Variants in ODR4 observed in about 807,000 individuals in gnomAD.
ODR4 encodes odr-4 GPCR localization factor homolog, also known as protein odr-4 homolog.
In ODR4, 47 loss-of-function variants were observed where a neutral mutation model predicts 60.2. That is an observed-to-expected ratio of 0.78 (90% CI 0.62 to 1.00). ODR4 has a LOEUF of 1.00. ODR4 is among the 50% of genes least tolerant of loss of function. ODR4 has a pLI of 0.00. For missense variants in ODR4, 488 were observed against 530.8 expected, an observed-to-expected ratio of 0.92 and a Z score of 0.79; for synonymous variants, 178 against 175.5, an observed-to-expected ratio of 1.01 and a Z score of -0.11.
intron 10 of ODR4, 56 bp downstream of exon 10, chr1:186,398,497 A>C (rs1660786463): frequency 1.4e-6 from 2 of 1,479,438 alleles, no homozygotes; most frequent in Non-Finnish European, 1.8e-6. Context: ...CAAAAACCTA[A>C]AATTTTACCA....
At position 186,421,062 on chromosome 1, in the gene ODR4, C is replaced by T. The variant is rs554724722; in HGVS notation, c.*1986C>T. 6.6e-6 allele frequency: 1 copy of T among 152,050 alleles called. No homozygotes were observed. The highest frequency in any genetic ancestry group is 1.5e-5 in the Non-Finnish European group (1 of 68,020). 9.4% of individuals were successfully genotyped at this position (152,050 alleles called of 1,614,324 possible). ...TAGGCTTCCTAACAGCAACAATGTA[C>T]CCAAAAGAGGGTAGAATTCTGAGAA... On this transcript the variant is annotated 3_prime_UTR_variant, in exon 14 of 14. Transcript: ENST00000287859.
At chr1:186,401,359 T>C (rs1007055289) in intron 11 of ODR4, 5 of 498,638 alleles carry the variant, frequency 1.0e-5, no homozygotes, top group Non-Finnish European at 1.8e-5. Context: ...GAGCATAGAC[T>C]GTAGTTTGGT....
intron 11 of ODR4, among the ~76,000 whole-genome samples, chr1:186,404,140 AT>A (rs1298421658): frequency 4.6e-5 from 7 of 152,140 alleles, no homozygotes; most frequent in Non-Finnish European, 5.9e-5. Context: ...TAATTTTAAA[AT>A]TTTTTTATTT....
chr1:186,405,650 C>G (rs181984314), intron 11 of ODR4, among the ~76,000 whole-genome samples: 1 of 152,282 alleles, frequency 6.6e-6, no homozygotes, highest in East Asian at 1.9e-4. Context: ...CCTCCCGGTT[C>G]AAGAAATCCT....
At chr1:186,377,624 T>G (rs1403093577) in intron 1 of ODR4, among the ~76,000 whole-genome samples, 2 of 152,210 alleles carry the variant, frequency 1.3e-5, no homozygotes, top group African/African-American at 4.8e-5. Flanking sequence ...ATTGCATACC[T>G]TAAGGCATTA....
At chr1:186,434,970 G>A in the ODR4 span, among the ~76,000 whole-genome samples, 1 of 152,078 alleles carries the variant, frequency 6.6e-6, no homozygotes, top group Middle Eastern at 3.2e-3. Flanking sequence ...TGGAAGCAGG[G>A]AGTGAACGCT....
At chr1:186,396,188 C>T (rs1335652821) in intron 9 of ODR4, among the ~76,000 whole-genome samples, 1 of 152,144 alleles carries the variant, frequency 6.6e-6, no homozygotes, top group Admixed American at 6.5e-5. Context: ...TAGAAGTTCC[C>T]TCACCTATAG....
At chr1:186,408,785 G>C (rs891819474) in intron 12 of ODR4, among the ~76,000 whole-genome samples, 2 of 151,544 alleles carry the variant, frequency 1.3e-5, no homozygotes, top group Non-Finnish European at 2.9e-5. Flanking sequence ...ACTAAGGGTA[G>C]CACTGTATGC....
chr1:186,421,874 A>AG, downstream of ODR4, among the ~76,000 whole-genome samples: 1 of 143,308 alleles, frequency 7.0e-6, no homozygotes. Context: ...AAAAAAAAAA[A>AG]AAAAAATGAT....
At chr1:186,412,721 A>G (rs988774886) in intron 12 of ODR4, among the ~76,000 whole-genome samples, 1 of 152,098 alleles carries the variant, frequency 6.6e-6, no homozygotes, top group African/African-American at 2.4e-5. Flanking sequence ...CCAGGAGTCC[A>G]GGCCTGCCAC....
At chr1:186,385,413 T>TA (rs1660216027) in intron 3 of ODR4, among the ~76,000 whole-genome samples, 1 of 151,004 alleles carries the variant, frequency 6.6e-6, no homozygotes, top group Non-Finnish European at 1.5e-5. Flanking sequence ...GACTATGTGA[T>TA]AAAATCCATG....
rs1367585648 is a variant in ODR4, at chr1:186,391,708, C to T, written c.628C>T (p.Arg210Cys). Residue 210 changes from arginine to cysteine, a missense_variant, in exon 8 of 14, where the codon CGC becomes TGC. Transcript: ENST00000287859. ...LEKNTKNGLT[R>C]WAKEIENGVY... Reference sequence around the variant, plus strand: ...TGTTTCTGTTAAGAATGGACTTACACGCTGGGCCAAGGAAATAGAAAATGG... The same window carrying T: ...TGTTTCTGTTAAGAATGGACTTACATGCTGGGCCAAGGAAATAGAAAATGG... The T allele has an allele frequency of 1.4e-5, 23 of 1,597,134 alleles. No homozygotes were observed. Among genetic ancestry groups the T allele is most frequent in the Middle Eastern group, 1.8e-4 (1 of 5,510 alleles).
the ODR4 span, among the ~76,000 whole-genome samples, chr1:186,431,793 A>G: frequency 2.2e-4 from 33 of 152,206 alleles, no homozygotes; most frequent in Non-Finnish European, 1.0e-4. Flanking sequence ...ATTCTTGGAT[A>G]AAAGGTTGAA....
At chr1:186,385,004 G>A (rs559205315) in intron 3 of ODR4, among the ~76,000 whole-genome samples, 1 of 152,040 alleles carries the variant, frequency 6.6e-6, no homozygotes, top group African/African-American at 2.4e-5. Flanking sequence ...TTAAGAACTA[G>A]CCACAATCAT....
chr1:186,423,646 G>C (rs1661836255), downstream of ODR4, among the ~76,000 whole-genome samples: 1 of 151,200 alleles, frequency 6.6e-6, no homozygotes, highest in South Asian at 2.1e-4. Context: ...GTACAGACAG[G>C]GTTTCACCAA....
At chr1:186,412,873 G>T (rs1240652828) in intron 12 of ODR4, among the ~76,000 whole-genome samples, 1 of 151,934 alleles carries the variant, frequency 6.6e-6, no homozygotes, top group Non-Finnish European at 1.5e-5. Flanking sequence ...ACATTATTAG[G>T]CTTTTAAATA....
At chr1:186,394,194 G>GT (rs1558074001) in intron 9 of ODR4, among the ~76,000 whole-genome samples, 179 bp downstream of exon 9, 1 of 152,022 alleles carries the variant, frequency 6.6e-6, no homozygotes, top group African/African-American at 2.4e-5. Context: ...ACCTGTTTGG[G>GT]TTTTTTGCCT....
At chr1:186,418,540 G>A (rs1185328334) in intron 13 of ODR4, among the ~76,000 whole-genome samples, 2 of 152,074 alleles carry the variant, frequency 1.3e-5, no homozygotes, top group Non-Finnish European at 2.9e-5. Context: ...CAACTTAGAT[G>A]TACTAATTAT....
At chr1:186,418,955 G>T in intron 13 of ODR4, 54 bp from the exon 14 acceptor site, 3 of 1,484,646 alleles carry the variant, frequency 2.0e-6, no homozygotes, top group Non-Finnish European at 2.8e-6. Flanking sequence ...GATTAGTTTG[G>T]CCTTTCTTTT....
Sources: gnomAD v4.1 joint callset for allele counts (sites outside exome capture counted in the v4.1 genomes callset) on GRCh38, gnomAD v4.1.1 for gene constraint, MANE v1.5 for transcripts, NCBI Gene and HGNC (gene_info 2026-07-23, HGNC 2026-07-21) for gene names.